The following PRSS56 variants were observed in gnomAD, a reference collection of about 807,000 sequenced individuals.
PRSS56 encodes the protein serine protease 56, also known as protease, serine 56.
PRSS56 carries 55 observed loss-of-function variants against 66.8 expected under a neutral mutation model. That is an observed-to-expected ratio of 0.82 (90% CI 0.66 to 1.03). PRSS56 has a LOEUF of 1.03. Ranked by LOEUF, PRSS56 falls within the 50% of genes least tolerant of loss-of-function variation. PRSS56 has a pLI of 0.00. For synonymous variants in PRSS56, 409 were observed against 387.9 expected (o/e 1.05, Z -0.64); for missense variants, 869 against 837.2 (o/e 1.04, Z -0.47).
At chr2:232,521,481 A>G (rs1396356584) in intron 2 of PRSS56, 53 bp downstream of exon 2, 2 of 1,365,914 alleles carry the variant, frequency 1.5e-6, no homozygotes, top group Admixed American at 2.0e-5. Flanking sequence ...CCCTGGGCCC[A>G]TTCTGCTGCC....
At chr2:232,522,203 G>T (rs534523689) in intron 4 of PRSS56, 43 bp downstream of exon 4, 5 of 1,406,978 alleles carry the variant, frequency 3.6e-6, no homozygotes, top group South Asian at 2.9e-5. Flanking sequence ...GGTCCCCGGC[G>T]CTGGGCCCCG....
At chr2:232,522,882 G>C in intron 6 of PRSS56, 21 bp downstream of exon 6, 11 of 1,448,112 alleles carry the variant, frequency 7.6e-6, no homozygotes, top group Non-Finnish European at 1.0e-5. Context: ...TGGGTGAGCC[G>C]GCGCGTGGTG....
chr2:232,524,482 G>A, intron 11 of PRSS56, 113 bp downstream of exon 11: 2 of 1,033,354 alleles, frequency 1.9e-6, no homozygotes, highest in Non-Finnish European at 2.8e-6. Context: ...GCAACAGGGT[G>A]GACTCGTTCT....
At position 232,521,351 on chromosome 2, in the gene PRSS56, A is replaced by C; in HGVS notation, c.128A>C (p.Gln43Pro). Residue 43 changes from glutamine to proline, a missense_variant, in exon 2 of 13, where the codon CAG becomes CCG. Coordinates refer to ENST00000617714, the MANE Select transcript of PRSS56 (RefSeq NM_001195129.2). ...VLSAQGTQAL[Q>P]AAQRSAQWAI... ...TCGGCCCAGGGGACTCAGGCGTTGC[A>C]GGCAGCCCAGAGGAGCGCCCAGTGG... 1 of 1,536,106 alleles carries C rather than the reference A, an allele frequency of 6.5e-7. No homozygotes were observed. Among genetic ancestry groups the C allele is most frequent in the East Asian group, 2.4e-5 (1 of 40,906 alleles).
At position 232,520,629 on chromosome 2, in the gene PRSS56, CT is replaced by C; in HGVS notation, c.32del (p.Leu11ProfsTer43). 10 of 1,536,152 alleles carry C rather than the reference CT, an allele frequency of 6.5e-6. No homozygotes were observed. The highest frequency in any genetic ancestry group is 7.8e-6 in the Non-Finnish European group (9 of 1,146,896). MLLAVLLLLP[L>X]PSSWFAHGHP... ...GCTGGCTGTGCTGCTGCTGCTACCCCTCCCAAGCTCATGGTTTGCCCACGGG... is the reference window on the plus strand; with the variant it reads ...GCTGGCTGTGCTGCTGCTGCTACCCCCCCAAGCTCATGGTTTGCCCACGGG... On this transcript the variant is annotated frameshift_variant, in exon 1 of 13. Transcript: ENST00000617714. LOFTEE classifies it high-confidence loss of function.
At position 232,523,120 on chromosome 2, in the gene PRSS56, G is replaced by A. The variant is rs1691322170; in HGVS notation, c.767G>A (p.Cys256Tyr). 2 of 1,534,770 alleles carry A rather than the reference G, an allele frequency of 1.3e-6. No individual in the cohort carries two copies. ...ARVPLLSTDT[C>Y]RRALGPGLRP... ...GTTCCCCTGCTCAGCACCGACACCT[G>A]CCGAAGAGCCCTGGGGCCCGGGCTG... is the stretch of plus-strand genomic sequence containing the variant. The change falls in exon 7 of 13, where the codon TGC becomes TAC. Residue 256 changes from cysteine (C) to tyrosine (Y), a missense_variant. Cys to Tyr is a radical substitution (Grantham distance 194). Around this residue, in one of 3 missense-constraint regions of PRSS56, gnomAD observed 551 missense variants for 506.9 expected, o/e 1.09. Transcript: ENST00000617714.
Position 232,525,202 on chromosome 2 carries a change from T to C in PRSS56, c.1522-14T>C. On this transcript the variant is annotated splice_polypyrimidine_tract_variant and intron_variant, in intron 12 of 12. Transcript: ENST00000617714. ...GAGTTTCTGGGCCCCTGATCCCCAC[T>C]CCTCCATCTGTAGGTCCTGGCAGAT... 13 of 1,457,802 alleles carry C rather than the reference T, an allele frequency of 8.9e-6. No individual in the cohort carries two copies. Among genetic ancestry groups the C allele is most frequent in the Non-Finnish European group, 1.2e-5 (13 of 1,107,542 alleles). 90.3% of individuals were successfully genotyped at this position (1,457,802 alleles called of 1,614,324 possible).
chr2:232,523,133 G>A lies in PRSS56; in HGVS notation c.780G>A (p.Leu260=). Residue 260 remains leucine, a synonymous_variant, in exon 7 of 13, where the codon CTG becomes CTA. Transcript: ENST00000617714. ...LLSTDTCRRA[L]GPGLRPSTML... is the part of the protein sequence containing the mutation. ...GCACCGACACCTGCCGAAGAGCCCT[G>A]GGGCCCGGGCTGCGCCCCAGCACCA... 1 of 1,533,602 alleles carries A rather than the reference G, an allele frequency of 6.5e-7. No individual in the cohort carries two copies. The highest frequency in any genetic ancestry group is 8.7e-7 in the Non-Finnish European group (1 of 1,145,518). The allele number at this position is 1,533,602 out of a possible 1,614,324, so 95.0% of individuals were successfully genotyped here. A position where few individuals can be genotyped will look rare whatever the true frequency, so the allele number is the denominator to read the frequency against.
At chr2:232,522,894 G>C (rs983812173) in intron 6 of PRSS56, 33 bp downstream of exon 6, 1 of 1,447,646 alleles carries the variant, frequency 6.9e-7, no homozygotes. Context: ...CGCGTGGTGG[G>C]AAGAACTGGG....
At position 232,521,618 on chromosome 2, in the gene PRSS56, C is replaced by T. The variant is rs2741295; in HGVS notation, c.205+190C>T. 0.18 allele frequency among the ~76,000 whole-genome samples: 27,994 copies of T among 152,184 alleles called. 2,796 individuals are homozygous for T. The highest frequency in any genetic ancestry group is 0.33 in the East Asian group (1,684 of 5,170). ...AGGACACGCTAGGCTTGGGGCATGG[C>T]CTGTGCAAAGGCAGGGAGGCGGAAA... On this transcript the variant is annotated intron_variant, in intron 2 of 12. Coordinates refer to ENST00000617714, the MANE Select transcript of PRSS56 (RefSeq NM_001195129.2).
rs1384486278 is a variant in PRSS56 at position 232,521,856 on chromosome 2, A to T, written c.246A>T (p.Pro82=). The change falls in exon 3 of 13, where the codon CCA becomes CCT. Residue 82 remains proline (P), a synonymous_variant. Coordinates refer to ENST00000617714, the MANE Select transcript of PRSS56 (RefSeq NM_001195129.2). ...RPRPQALLQD[P]PEPGPCGERR... Reference sequence around the variant, plus strand: ...GGCCTCAAGCTCTCCTCCAGGACCCACCTGAGCCAGGTGAGGTTGAAAAGG... The same window carrying T: ...GGCCTCAAGCTCTCCTCCAGGACCCTCCTGAGCCAGGTGAGGTTGAAAAGG... 1.5e-5 allele frequency: 23 copies of T among 1,535,592 alleles called. No homozygotes were observed. Among genetic ancestry groups the T allele is most frequent in the Non-Finnish European group, 7.0e-6 (8 of 1,146,724 alleles).
chr2:232,524,128 C>A lies in PRSS56; in HGVS notation c.1276C>A (p.Pro426Thr). 1.3e-6 allele frequency: 2 copies of A among 1,510,946 alleles called. No individual in the cohort carries two copies. Among genetic ancestry groups the A allele is most frequent in the Non-Finnish European group, 1.8e-6 (2 of 1,136,768 alleles). 93.6% of individuals were successfully genotyped at this position (1,510,946 alleles called of 1,614,324 possible). A position where few individuals can be genotyped will look rare whatever the true frequency, so the allele number is the denominator to read the frequency against. The change falls in exon 10 of 13, where the codon CCC becomes ACC. Residue 426 changes from proline (P) to threonine (T), a missense_variant. By Grantham distance (38) the Pro-to-Thr change is conservative (BLOSUM62 -1). Transcript: ENST00000617714. Reference protein sequence around the residue: ...GPRPGLRRLAPALALPAPALR... With the variant: ...GPRPGLRRLATALALPAPALR... Reference sequence around the variant, plus strand: ...TCGTCCGGGACTGCGGCGCCTGGCCCCCGCCCTGGCTCTCCCCGCTCCAGC... The same window carrying A: ...TCGTCCGGGACTGCGGCGCCTGGCCACCGCCCTGGCTCTCCCCGCTCCAGC...
At chr2:232,523,268 C>T in intron 7 of PRSS56, 66 bp downstream of exon 7, 4 of 1,422,504 alleles carry the variant, frequency 2.8e-6, no homozygotes, top group Non-Finnish European at 2.8e-6. Flanking sequence ...GCCTCTTTTC[C>T]TTCCACGTCT....
At position 232,525,296 on chromosome 2, in the gene PRSS56, G is replaced by T; in HGVS notation, c.1602G>T (p.Val534=). The T allele has an allele frequency of 6.6e-7, 1 of 1,522,544 alleles. No individual in the cohort carries two copies. The highest frequency in any genetic ancestry group is 8.8e-7 in the Non-Finnish European group (1 of 1,138,118). 94.3% of individuals were successfully genotyped at this position (1,522,544 alleles called of 1,614,324 possible). The change falls in exon 13 of 13, where the codon GTG becomes GTT. Residue 534 remains valine, a synonymous_variant. Transcript: ENST00000617714. ...WVRAGLGGRH[V]AFSGLVGLEP... is the part of the protein sequence containing the mutation. ...GGGCAGGCTTGGGGGGCCGGCATGTGGCCTTCAGCGGCCTGGTGGGCCTGG... is the reference window on the plus strand; with the variant it reads ...GGGCAGGCTTGGGGGGCCGGCATGTTGCCTTCAGCGGCCTGGTGGGCCTGG...
chr2:232,525,464 C>A lies in PRSS56; in HGVS notation c.1770C>A (p.His590Gln). ...GQGPGLERKG[H>Q]HPLNPQVPPA... ...GGCCCGGGCTGGAGAGGAAGGGGCA[C>A]CACCCACTCAACCCTCAGGTACCCC... is the stretch of plus-strand genomic sequence containing the variant. Residue 590 changes from histidine to glutamine, a missense_variant, in exon 13 of 13, where the codon CAC (histidine) becomes CAA (glutamine). His to Gln is a conservative substitution (Grantham distance 24). This residue lies in a region of PRSS56 where 551 missense variants were observed against 506.9 expected (regional missense o/e 1.09). Coordinates refer to ENST00000617714, the MANE Select transcript of PRSS56 (RefSeq NM_001195129.2). 2 of 1,517,872 alleles carry A rather than the reference C, an allele frequency of 1.3e-6. No homozygotes were observed. Among genetic ancestry groups the A allele is most frequent in the Non-Finnish European group, 1.8e-6 (2 of 1,135,070 alleles). The allele number at this position is 1,517,872 out of a possible 1,614,324, so 94.0% of individuals were successfully genotyped here.
Position 232,522,020 on chromosome 2 carries a change from C to A in PRSS56, c.306C>A (p.His102Gln). ...RPSTANVTRA[H>Q]GRIVGGSAAP... ...GCACTGCCAATGTGACGCGGGCCCA[C>A]GGCCGCATCGTGGGGGGCAGCGCGG... is the stretch of plus-strand genomic sequence containing the variant. Residue 102 changes from histidine to glutamine, a missense_variant, in exon 4 of 13, where the codon CAC becomes CAA. By Grantham distance (24) the His-to-Gln change is conservative. Coordinates refer to ENST00000617714, the MANE Select transcript of PRSS56 (RefSeq NM_001195129.2). The A allele has an allele frequency of 6.9e-7, 1 of 1,455,490 alleles. No individual in the cohort carries two copies. The highest frequency in any genetic ancestry group is 9.0e-7 in the Non-Finnish European group (1 of 1,110,590). The allele number at this position is 1,455,490 out of a possible 1,614,324, so 90.2% of individuals were successfully genotyped here. A position where few individuals can be genotyped will look rare whatever the true frequency, so the allele number is the denominator to read the frequency against.
chr2:232,522,912 G>C, intron 6 of PRSS56, 51 bp downstream of exon 6: 1 of 1,455,188 alleles, frequency 6.9e-7, no homozygotes, highest in Non-Finnish European at 9.0e-7. Flanking sequence ...GGGGGTCCGA[G>C]GTAATAGAGT....
intron 4 of PRSS56, 103 bp downstream of exon 4, chr2:232,522,263 T>C: frequency 8.9e-7 from 1 of 1,122,936 alleles, no homozygotes; most frequent in Non-Finnish European, 1.2e-6. Flanking sequence ...TGGTCTCTGC[T>C]GCCCCCTGGC....
intron 7 of PRSS56, 73 bp downstream of exon 7, chr2:232,523,275 G>A (rs1046132798): frequency 7.0e-7 from 1 of 1,420,936 alleles, no homozygotes; most frequent in Non-Finnish European, 9.2e-7. Context: ...TTCCTTCCAC[G>A]TCTGTCTGTC....
Sources: gnomAD v4.1 joint callset for allele counts (sites outside exome capture counted in the v4.1 genomes callset) on GRCh38, gnomAD v4.1.1 for gene constraint, gnomAD v4.1.1 regional missense constraint, MANE v1.5 for transcripts, NCBI Gene and HGNC (gene_info 2026-07-23, HGNC 2026-07-21) for gene names.